BTBD9: variants seen among roughly 807,000 people sequenced by gnomAD.
BTBD9 encodes the protein BTB/POZ domain-containing protein 9.
In BTBD9, 49 loss-of-function variants were observed where a neutral mutation model predicts 64.3. The ratio of observed to expected loss-of-function variants is 0.76; its 90% CI spans 0.61 to 0.97. The LOEUF is 0.97. BTBD9 is among the 50% of genes least tolerant of loss of function. The pLI is 0.00. For missense variants in BTBD9, 598 were observed against 762.1 expected (o/e 0.78, Z 2.53); for synonymous variants, 260 against 274.7 (o/e 0.95, Z 0.53).
Position 38,527,263 on chromosome 6 carries a change from C to CAAAAAAAAA in BTBD9, c.1154+50328_1154+50336dup, listed in dbSNP as rs55979438. On this transcript the variant is annotated intron_variant, in intron 6 of 10. Coordinates refer to ENST00000481247, the MANE Select transcript of BTBD9 (RefSeq NM_001099272.2). Reference sequence around the variant, plus strand: ...TGCACTCCAGAGCGAGACTCTGTCTCAAAAAAAAAAAAAAAAAAAAAAAAA... The same window carrying CAAAAAAAAA: ...TGCACTCCAGAGCGAGACTCTGTCTCAAAAAAAAAAAAAAAAAAAAAAAAAAAAAAAAAA... Among the ~76,000 whole-genome samples, 47 of 53,336 alleles carry CAAAAAAAAA rather than the reference C, an allele frequency of 8.8e-4. 1 individual carries two copies. Among genetic ancestry groups the CAAAAAAAAA allele is most frequent in the South Asian group, 1.1e-3 (1 of 884 alleles). 35.0% of individuals were successfully genotyped at this position (53,336 alleles called of 152,430 possible).
intron 6 of BTBD9, among the ~76,000 whole-genome samples, chr6:38,486,904 A>T (rs1409966324): frequency 6.6e-6 from 1 of 152,224 alleles, no homozygotes; most frequent in African/African-American, 2.4e-5. Context: ...TTGTAGCACT[A>T]TTCTCATTTT....
In BTBD9 at chr6:38,171,113, G is replaced by A. The variant is rs974380637; in HGVS notation, c.*3872C>T. 4 of 152,160 alleles carry A rather than the reference G, an allele frequency of 2.6e-5. No homozygotes were observed. Among genetic ancestry groups the A allele is most frequent in the East Asian group, 1.9e-4 (1 of 5,190 alleles). 9.4% of individuals were successfully genotyped at this position (152,160 alleles called of 1,614,324 possible). The stretch of plus-strand genomic sequence containing the variant: ...ACCAAGTGGCCTCAGTACACAGAAC[G>A]CTCGCTTTTTATTGTAGATTATACC... On this transcript the variant is annotated 3_prime_UTR_variant, in exon 11 of 11. Transcript: ENST00000481247.
intron 1 of BTBD9, among the ~76,000 whole-genome samples, chr6:38,622,488 A>T (rs1778021155): frequency 6.6e-6 from 1 of 152,140 alleles, no homozygotes; most frequent in African/African-American, 2.4e-5. Flanking sequence ...GGCACTAGGG[A>T]TACAATATTA....
intron 7 of BTBD9, among the ~76,000 whole-genome samples, chr6:38,292,650 G>T (rs1762005248): frequency 6.6e-6 from 1 of 152,142 alleles, no homozygotes; most frequent in African/African-American, 2.4e-5. Flanking sequence ...ATTTCTGTGG[G>T]ATCAGTGGTG....
chr6:38,233,875 A>G (rs748008218), intron 9 of BTBD9, among the ~76,000 whole-genome samples: 29 of 152,234 alleles, frequency 1.9e-4, no homozygotes, highest in Non-Finnish European at 3.4e-4. Context: ...TGAAGGGCAA[A>G]TTTGATTTTC....
At chr6:38,218,361 T>G (rs1763084526) in intron 9 of BTBD9, among the ~76,000 whole-genome samples, 1 of 152,232 alleles carries the variant, frequency 6.6e-6, no homozygotes, top group South Asian at 2.1e-4. Flanking sequence ...TCTGAACTTC[T>G]GAAAGGCCTA....
chr6:38,206,424 A>G (rs1360870461), intron 9 of BTBD9, among the ~76,000 whole-genome samples: 1 of 152,026 alleles, frequency 6.6e-6, no homozygotes, highest in Non-Finnish European at 1.5e-5. Flanking sequence ...TATTTTTAGT[A>G]GAGATGGGGT....
chr6:38,417,070 G>C (rs1047427498), intron 6 of BTBD9, among the ~76,000 whole-genome samples: 2 of 152,176 alleles, frequency 1.3e-5, no homozygotes, highest in African/African-American at 4.8e-5. Flanking sequence ...CTCCCAAGTA[G>C]CTAGGACTAC....
intron 9 of BTBD9, among the ~76,000 whole-genome samples, chr6:38,253,966 A>G (rs1764487770): frequency 6.7e-6 from 1 of 149,340 alleles, no homozygotes; most frequent in Non-Finnish European, 1.5e-5. Context: ...TGGCTACCCA[A>G]CCAGGAACTG....
Position 38,621,822 on chromosome 6 carries a change from C to G in BTBD9, c.-28+17978G>C, listed in dbSNP as rs374006927. On this transcript the variant is annotated intron_variant, in intron 1 of 10. Coordinates refer to ENST00000481247, the MANE Select transcript of BTBD9 (RefSeq NM_001099272.2). ...AAGAGAAAAGGCAGAAGGAAACCGT[C>G]GGGCAGATGCTGAGGCCAAAATTGC... 6.2e-4 allele frequency among the ~76,000 whole-genome samples: 94 copies of G among 152,292 alleles called. No individual in the cohort carries two copies. In the South Asian group the frequency reaches 0.019, roughly 31 times the overall value.
At chr6:38,179,073 G>C (rs1761421599) in intron 10 of BTBD9, among the ~76,000 whole-genome samples, 1 of 152,054 alleles carries the variant, frequency 6.6e-6, no homozygotes, top group Non-Finnish European at 1.5e-5. Context: ...GGATGGTCTT[G>C]ATCTCTTGAC....
rs67469757 is a variant in BTBD9 at position 38,374,269 on chromosome 6, G to GA, written c.1155-29177dup. Among the ~76,000 whole-genome samples the GA allele has an allele frequency of 2.1e-3, 101 of 48,850 alleles. 4 individuals are homozygous for GA. The highest frequency in any genetic ancestry group is 7.4e-3 in the African/African-American group (83 of 11,220). The allele number at this position is 48,850 out of a possible 152,430, so 32.0% of individuals were successfully genotyped here. On this transcript the variant is annotated intron_variant, in intron 6 of 10. Transcript: ENST00000481247. ...GGGCGACAGAGTGAGGCCTTGTGTC[G>GA]AAAAAAAAAAAAAGTATATATATAT...
At chr6:38,239,805 G>C (rs1333581807) in intron 9 of BTBD9, among the ~76,000 whole-genome samples, 1 of 152,134 alleles carries the variant, frequency 6.6e-6, no homozygotes, top group Admixed American at 6.5e-5. Flanking sequence ...GTCACTAAAA[G>C]CCAAACAGAA....
chr6:38,637,429 A>G (rs1225349155), intron 1 of BTBD9, among the ~76,000 whole-genome samples: 1 of 152,238 alleles, frequency 6.6e-6, no homozygotes, highest in Non-Finnish European at 1.5e-5. Flanking sequence ...AGAAGATGTT[A>G]TAAATAAAGA....
chr6:38,331,492 AG>A (rs902208854), intron 7 of BTBD9, among the ~76,000 whole-genome samples: 4 of 152,206 alleles, frequency 2.6e-5, no homozygotes, highest in African/African-American at 9.6e-5. Context: ...AGAAAAAAAG[AG>A]GGGGGGCCAA....
At chr6:38,391,624 CTTGT>C (rs950399637) in intron 6 of BTBD9, among the ~76,000 whole-genome samples, 1 of 138,206 alleles carries the variant, frequency 7.2e-6, no homozygotes, top group African/African-American at 2.9e-5. Context: ...TAAAAACTTG[CTTGT>C]TTTTCTTTTT....
At chr6:38,218,328 C>G (rs767975684) in intron 9 of BTBD9, among the ~76,000 whole-genome samples, 1 of 152,158 alleles carries the variant, frequency 6.6e-6, no homozygotes, top group Non-Finnish European at 1.5e-5. Context: ...AACTTTGGCC[C>G]TAATTCCTGT....
At position 38,210,957 on chromosome 6, in the gene BTBD9, T is replaced by C. The variant is rs9369035; in HGVS notation, c.1563-18360A>G. 9.2e-5 allele frequency among the ~76,000 whole-genome samples: 14 copies of C among 152,264 alleles called. No individual in the cohort carries two copies. The East Asian group carries it at 2.7e-3, about 29-fold the overall frequency. On this transcript the variant is annotated intron_variant, in intron 9 of 10. Transcript: ENST00000481247. ...CTGAACACCAAGTGGGTCACACACA[T>C]CTGAGTTCCTCGGCCTAACAGCTCC...
chr6:38,207,544 GCC>G (rs1371361304), intron 9 of BTBD9, among the ~76,000 whole-genome samples: 1 of 152,144 alleles, frequency 6.6e-6, no homozygotes, highest in Non-Finnish European at 1.5e-5. Flanking sequence ...GATCACCTGA[GCC>G]TGGGGGATCA....
Sources: gnomAD v4.1 joint callset for allele counts (sites outside exome capture counted in the v4.1 genomes callset) on GRCh38, gnomAD v4.1.1 for gene constraint, MANE v1.5 for transcripts, NCBI Gene and HGNC (gene_info 2026-07-23, HGNC 2026-07-21) for gene names.